Variants in SLC12A6 observed in about 807,000 individuals in gnomAD.
The protein encoded by SLC12A6 is solute carrier family 12 member 6, also known as K-Cl cotransporter 3.
SLC12A6 carries 66 observed loss-of-function variants against 135.3 expected under a neutral mutation model. That is an observed-to-expected ratio of 0.49 (90% CI 0.40 to 0.60). The LOEUF (loss-of-function observed/expected upper bound fraction) is 0.60, where lower values mean the gene tolerates loss of function less well. Ranked by LOEUF, SLC12A6 falls within the 20% of genes least tolerant of loss-of-function variation. The probability of loss-of-function intolerance (pLI) is 0.00; values close to 1 mark genes in which losing one functional copy is unlikely to be tolerated. For missense variants in SLC12A6, 1,058 were observed against 1,452.3 expected (o/e 0.73, Z 4.41); for synonymous variants, 513 against 508.8 (o/e 1.01, Z -0.11).
At chr15:34,329,185 C>A (rs1176023964) in intron 2 of SLC12A6, among the ~76,000 whole-genome samples, 1 of 152,168 alleles carries the variant, frequency 6.6e-6, no homozygotes, top group Non-Finnish European at 1.5e-5. Flanking sequence ...GGGCATTAAG[C>A]CAGAAGGGCA....
intron 21 of SLC12A6, among the ~76,000 whole-genome samples, chr15:34,237,858 A>T (rs569666675): frequency 6.6e-6 from 1 of 152,322 alleles, no homozygotes; most frequent in Admixed American, 6.5e-5. Flanking sequence ...CAGACTATAT[A>T]TTTACTATTT....
intron 2 of SLC12A6, among the ~76,000 whole-genome samples, chr15:34,277,168 C>T (rs1301073078): frequency 2.0e-5 from 3 of 152,204 alleles, no homozygotes; most frequent in African/African-American, 7.2e-5. Flanking sequence ...GGTGCAGTGG[C>T]TCCTGCCTGT....
At position 34,254,574 on chromosome 15, in the gene SLC12A6, G is replaced by A. The variant is rs897661402; in HGVS notation, c.892C>T (p.Arg298Ter). 1.3e-5 allele frequency: 21 copies of A among 1,607,170 alleles called. No homozygotes were observed. Among genetic ancestry groups the A allele is most frequent in the East Asian group, 6.7e-5 (3 of 44,854 alleles). ...IEIFLVYIVPRAAIFHSDDAL... is the reference protein window; with the variant it reads ...IEIFLVYIVP Reference sequence around the variant, plus strand: ...TCATCACTGTGAAAGATGGCAGCTCGGGGGACGATATAGACCTGTTAGGTA... The same window carrying A: ...TCATCACTGTGAAAGATGGCAGCTCAGGGGACGATATAGACCTGTTAGGTA... The change falls in exon 9 of 26, where the codon CGA (arginine) becomes TGA (stop). Residue 298 changes from arginine (R) to a stop codon, truncating the protein, a stop_gained. Coordinates refer to ENST00000354181, the MANE Select transcript of SLC12A6 (RefSeq NM_001365088.1). LOFTEE classifies it high-confidence loss of function.
chr15:34,327,604 G>A (rs1246695581), intron 2 of SLC12A6, among the ~76,000 whole-genome samples: 3 of 152,022 alleles, frequency 2.0e-5, no homozygotes, highest in Non-Finnish European at 4.4e-5. Flanking sequence ...GCTGCAGTGA[G>A]CCGAGACCGC....
rs1896257443 is a variant in SLC12A6 at position 34,301,543 on chromosome 15, G to A, written c.272-26154C>T. On this transcript the variant is annotated intron_variant, in intron 2 of 25. Transcript: ENST00000354181. ...TCCCAACAAGTCTAGATACTAGAAG[G>A]AAGAAAATGGTAATTAAGGTAGAAA... 2.0e-5 allele frequency among the ~76,000 whole-genome samples: 3 copies of A among 152,190 alleles called. No homozygotes were observed. In the South Asian group the frequency reaches 6.2e-4, roughly 32 times the overall value.
intron 21 of SLC12A6, 137 bp from the exon 22 acceptor site, chr15:34,237,687 GCTATGT>G: frequency 1.4e-6 from 1 of 704,576 alleles, no homozygotes; most frequent in Non-Finnish European, 2.5e-6. Flanking sequence ...CTTCCTACTT[GCTATGT>G]TATTGTATTA....
At chr15:34,317,306 C>T (rs560238364) in intron 2 of SLC12A6, among the ~76,000 whole-genome samples, 2 of 152,272 alleles carry the variant, frequency 1.3e-5, no homozygotes, top group South Asian at 2.1e-4. Context: ...TAAAAATTCT[C>T]GAATGGTTTT....
intron 2 of SLC12A6, among the ~76,000 whole-genome samples, chr15:34,301,293 A>T (rs1038059684): frequency 2.0e-5 from 3 of 152,158 alleles, no homozygotes; most frequent in African/African-American, 7.2e-5. Context: ...TCAAAGACAA[A>T]TACCAAGAGA....
At chr15:34,300,560 G>A (rs1896173448) in intron 2 of SLC12A6, among the ~76,000 whole-genome samples, 1 of 152,046 alleles carries the variant, frequency 6.6e-6, no homozygotes, top group South Asian at 2.1e-4. Context: ...ACTTTGGGAG[G>A]CTGAGGCAAG....
At chr15:34,242,322 A>C in intron 16 of SLC12A6, 101 bp from the exon 17 acceptor site, 2 of 819,610 alleles carry the variant, frequency 2.4e-6, no homozygotes, top group Admixed American at 5.0e-5. Context: ...ATTATTTTTT[A>C]AAAACTTTGA....
intron 3 of SLC12A6, among the ~76,000 whole-genome samples, chr15:34,263,829 G>A (rs1893319657): frequency 6.6e-6 from 1 of 152,100 alleles, no homozygotes; most frequent in Non-Finnish European, 1.5e-5. Context: ...AGGGCACAGA[G>A]CCAAACTGAA....
At chr15:34,244,427 T>C (rs1891850373) in intron 15 of SLC12A6, among the ~76,000 whole-genome samples, 8 of 152,248 alleles carry the variant, frequency 5.3e-5, no homozygotes, top group Admixed American at 4.6e-4. Context: ...GGCTCTCATT[T>C]CTTCTTTCCA....
chr15:34,304,954 T>C (rs939578417), intron 2 of SLC12A6, among the ~76,000 whole-genome samples: 2 of 152,212 alleles, frequency 1.3e-5, no homozygotes, highest in African/African-American at 4.8e-5. Context: ...AAGTGGGTAT[T>C]ATATCCTTGA....
chr15:34,321,818 G>C (rs1889111986), intron 2 of SLC12A6, among the ~76,000 whole-genome samples: 2 of 152,230 alleles, frequency 1.3e-5, no homozygotes, highest in African/African-American at 4.8e-5. Flanking sequence ...CAACATGCAT[G>C]AATCTCAAAA....
chr15:34,248,372 G>A (rs1323300572), intron 13 of SLC12A6, among the ~76,000 whole-genome samples: 1 of 152,130 alleles, frequency 6.6e-6, no homozygotes, highest in Admixed American at 6.5e-5. Context: ...ACCTAGAAGT[G>A]GAAATGCTGA....
chr15:34,251,978 G>GA, intron 10 of SLC12A6, among the ~76,000 whole-genome samples, 192 bp downstream of exon 10: 1 of 152,276 alleles, frequency 6.6e-6, no homozygotes, highest in South Asian at 2.1e-4. Flanking sequence ...ACTCTGTAAA[G>GA]GAGTACTGAA....
At chr15:34,303,993 G>C (rs1896431111) in intron 2 of SLC12A6, among the ~76,000 whole-genome samples, 1 of 152,122 alleles carries the variant, frequency 6.6e-6, no homozygotes, top group African/African-American at 2.4e-5. Flanking sequence ...TTGTGTAGCT[G>C]TCACCACAAT....
intron 2 of SLC12A6, among the ~76,000 whole-genome samples, chr15:34,298,197 C>CA (rs34509352): frequency 0.35 from 52,657 of 151,910 alleles, 11,270 homozygotes; most frequent in African/African-American, 0.61. Context: ...AAGGAAAGAA[C>CA]AAAAATAGGC....
At chr15:34,271,074 C>T (rs1004507989) in intron 3 of SLC12A6, among the ~76,000 whole-genome samples, 3 of 152,046 alleles carry the variant, frequency 2.0e-5, no homozygotes, top group African/African-American at 4.8e-5. Flanking sequence ...TCCCACAAAA[C>T]GTGAGGATTA....
Sources: gnomAD v4.1 joint callset for allele counts (sites outside exome capture counted in the v4.1 genomes callset) on GRCh38, gnomAD v4.1.1 for gene constraint, MANE v1.5 for transcripts, NCBI Gene and HGNC (gene_info 2026-07-23, HGNC 2026-07-21) for gene names.